Variants in ENPP3 observed in about 807,000 individuals in gnomAD.
The protein encoded by ENPP3 is ectonucleotide pyrophosphatase/phosphodiesterase 3, also known as ectonucleotide pyrophosphatase/phosphodiesterase family member 3.
A neutral mutation model predicts 117.8 loss-of-function variants in ENPP3; 104 were observed. The observed-to-expected ratio is 0.88, with a 90% CI of 0.75 to 1.04. The LOEUF (loss-of-function observed/expected upper bound fraction) is 1.04, where lower values mean the gene tolerates loss of function less well. ENPP3 is among the 50% of genes least tolerant of loss of function. ENPP3 has a pLI of 0.00. For missense variants in ENPP3, 1,026 were observed against 1,051.9 expected (o/e 0.98, Z 0.34); for synonymous variants, 380 against 349.9 (o/e 1.09, Z -0.96).
Position 131,701,042 on chromosome 6 carries a change from A to C in ENPP3, c.1412+7418A>C, listed in dbSNP as rs547862851. The C allele has an allele frequency of 2.8e-4, 152 of 537,176 alleles. 1 individual carries two copies. The highest frequency in any genetic ancestry group is 4.3e-4 in the Non-Finnish European group (139 of 323,208). The allele number at this position is 537,176 out of a possible 1,614,324, so 33.3% of individuals were successfully genotyped here. On this transcript the variant is annotated intron_variant, in intron 15 of 24. Coordinates refer to ENST00000357639, the MANE Select transcript of ENPP3 (RefSeq NM_005021.5). ...GGGGGTGGCAGATGGCCACGTACAGATCATAGGACATCACCACCAGGAGGA... is the reference window on the plus strand; with the variant it reads ...GGGGGTGGCAGATGGCCACGTACAGCTCATAGGACATCACCACCAGGAGGA...
At chr6:131,693,243 C>CA (rs1228678793) in intron 14 of ENPP3, among the ~76,000 whole-genome samples, 1 of 151,452 alleles carries the variant, frequency 6.6e-6, no homozygotes. Flanking sequence ...ATGGGGTGAT[C>CA]TTGGCTCACT....
chr6:131,657,988 C>A (rs1778420809), intron 5 of ENPP3, among the ~76,000 whole-genome samples: 1 of 151,706 alleles, frequency 6.6e-6, no homozygotes, highest in African/African-American at 2.4e-5. Flanking sequence ...CGTGGTAAAA[C>A]CCTGTCTCTA....
intron 20 of ENPP3, among the ~76,000 whole-genome samples, chr6:131,728,517 C>A (rs453639): frequency 0.75 from 114,694 of 152,088 alleles, 44,618 homozygotes; most frequent in East Asian, 0.97. Flanking sequence ...TTCTCCTTCC[C>A]TGTGACAGGA....
chr6:131,711,975 A>G (rs1396583605), intron 15 of ENPP3, among the ~76,000 whole-genome samples: 1 of 131,078 alleles, frequency 7.6e-6, no homozygotes, highest in Non-Finnish European at 1.5e-5. Context: ...TCCATTTAGA[A>G]TAACACTAGA....
At chr6:131,719,834 G>A (rs1779976271) in intron 16 of ENPP3, among the ~76,000 whole-genome samples, 1 of 151,880 alleles carries the variant, frequency 6.6e-6, no homozygotes, top group Non-Finnish European at 1.5e-5. Context: ...AAGTGTAAGT[G>A]GAACAGGAAG....
At chr6:131,660,982 T>C (rs1469072857) in intron 6 of ENPP3, among the ~76,000 whole-genome samples, 3 of 152,228 alleles carry the variant, frequency 2.0e-5, no homozygotes, top group East Asian at 1.9e-4. Flanking sequence ...AATCATACAG[T>C]ATTAGCGTGT....
Position 131,641,462 on chromosome 6 carries a change from T to C in ENPP3, c.86T>C (p.Leu29Pro), listed in dbSNP as rs41285342. The change falls in exon 2 of 25, where the codon CTT becomes CCT. Residue 29 changes from leucine to proline, a missense_variant. By Grantham distance (98) the Leu-to-Pro change is moderately conservative. Coordinates refer to ENST00000357639, the MANE Select transcript of ENPP3 (RefSeq NM_005021.5). ...KKYKIACIVL[L>P]ALLVIMSLGL... The stretch of plus-strand genomic sequence containing the variant: ...TTTTCCTTTTTGCAATAGGTTCTTC[T>C]TGCTTTGCTGGTGATCATGTCACTT... 9.5e-4 allele frequency: 1,536 copies of C among 1,610,684 alleles called. 15 individuals carry two copies. The Middle Eastern group carries it at 0.011, about 11-fold the overall frequency.
intron 24 of ENPP3, among the ~76,000 whole-genome samples, chr6:131,740,638 T>C (rs1780509340): frequency 6.6e-6 from 1 of 152,204 alleles, no homozygotes; most frequent in Non-Finnish European, 1.5e-5. Flanking sequence ...TCACATTCAC[T>C]AATAATGAAA....
intron 23 of ENPP3, among the ~76,000 whole-genome samples, chr6:131,738,685 C>G (rs890122877): frequency 3.9e-5 from 6 of 152,100 alleles, no homozygotes; most frequent in African/African-American, 1.2e-4. Flanking sequence ...TAGTATTAAG[C>G]CTGGTCATAA....
intron 6 of ENPP3, among the ~76,000 whole-genome samples, chr6:131,669,471 G>A (rs1404584867): frequency 6.6e-6 from 1 of 151,528 alleles, no homozygotes; most frequent in Non-Finnish European, 1.5e-5. Context: ...CAAGGAGATC[G>A]AGACAAGCCT....
At chr6:131,654,868 T>C (rs974396025) in intron 5 of ENPP3, among the ~76,000 whole-genome samples, 4 of 152,112 alleles carry the variant, frequency 2.6e-5, no homozygotes, top group African/African-American at 9.7e-5. Flanking sequence ...ACCTTGTGGG[T>C]GGAAGAGTAA....
intron 13 of ENPP3, 73 bp from the exon 14 acceptor site, chr6:131,685,803 T>TG: frequency 2.9e-6 from 2 of 699,868 alleles, no homozygotes; most frequent in Non-Finnish European, 5.2e-6. Flanking sequence ...CAAATTCACC[T>TG]GAGTGGTTCA....
At chr6:131,688,548 A>G (rs934199088) in intron 14 of ENPP3, among the ~76,000 whole-genome samples, 16 of 152,192 alleles carry the variant, frequency 1.1e-4, no homozygotes, top group Admixed American at 2.0e-4. Flanking sequence ...ATACATACAT[A>G]ATAAGAAAGT....
At chr6:131,729,056 A>C (rs1314717211) in intron 20 of ENPP3, among the ~76,000 whole-genome samples, 2 of 152,130 alleles carry the variant, frequency 1.3e-5, no homozygotes, top group Admixed American at 6.6e-5. Context: ...CTGTCTCCCT[A>C]TGTATCTATG....
At chr6:131,690,213 A>G (rs1190563139) in intron 14 of ENPP3, among the ~76,000 whole-genome samples, 1 of 152,234 alleles carries the variant, frequency 6.6e-6, no homozygotes. Context: ...AAGAAGTTCT[A>G]CTGTGGGTAA....
At chr6:131,657,290 T>A (rs1287853555) in intron 5 of ENPP3, among the ~76,000 whole-genome samples, 1 of 152,188 alleles carries the variant, frequency 6.6e-6, no homozygotes, top group Non-Finnish European at 1.5e-5. Context: ...CTTACCAATA[T>A]AGAATATTTC....
At chr6:131,639,411 A>G (rs756010298) in intron 1 of ENPP3, among the ~76,000 whole-genome samples, 2 of 151,648 alleles carry the variant, frequency 1.3e-5, no homozygotes, top group East Asian at 1.9e-4. Flanking sequence ...CAGCCTCCCG[A>G]GTAGCTGGGA....
intron 14 of ENPP3, among the ~76,000 whole-genome samples, chr6:131,691,957 A>G (rs141753203): frequency 8.5e-5 from 13 of 152,290 alleles, no homozygotes; most frequent in African/African-American, 3.1e-4. Context: ...TGGCAAAAAT[A>G]TGTTTGCAAT....
At chr6:131,710,562 G>C in intron 15 of ENPP3, 1 of 1,612,704 alleles carries the variant, frequency 6.2e-7, no homozygotes, top group Non-Finnish European at 8.5e-7. Context: ...CTTCTTTTAA[G>C]TCTTTTTCTA....
Sources: allele counts gnomAD v4.1 joint callset (sites outside exome capture counted in the v4.1 genomes callset), GRCh38; gene constraint gnomAD v4.1.1; transcripts MANE v1.5; gene names NCBI Gene and HGNC (gene_info 2026-07-23, HGNC 2026-07-21).